The following FADS6 variants were observed in gnomAD, a reference collection of about 807,000 sequenced individuals.
FADS6 encodes the protein fatty acid desaturase domain family, member 6.
FADS6 carries 28 observed loss-of-function variants against 31.7 expected under a neutral mutation model. That is an observed-to-expected ratio of 0.88 (90% confidence interval 0.66 to 1.21). The LOEUF is 1.21. Ranked by LOEUF, FADS6 falls within the 50% of genes most tolerant of loss-of-function variation. The pLI is 0.00. For missense variants in FADS6, 494 were observed against 504.2 expected (o/e 0.98, Z 0.19); for synonymous variants, 191 against 213.1 (o/e 0.90, Z 0.90).
At chr17:74,887,318 C>T (rs2038633888) in intron 2 of FADS6, among the ~76,000 whole-genome samples, 1 of 152,174 alleles carries the variant, frequency 6.6e-6, no homozygotes. Flanking sequence ...CTCCTGGGCT[C>T]AAGCGATCCT....
intron 2 of FADS6, among the ~76,000 whole-genome samples, chr17:74,884,583 G>C (rs2038604736): frequency 6.6e-6 from 1 of 152,178 alleles, no homozygotes; most frequent in African/African-American, 2.4e-5. Context: ...TTGCAATCAT[G>C]GCAGATCACA....
At chr17:74,879,748 T>C (rs1404776793) in intron 4 of FADS6, among the ~76,000 whole-genome samples, 165 bp from the exon 5 acceptor site, 2 of 152,144 alleles carry the variant, frequency 1.3e-5, no homozygotes, top group African/African-American at 4.8e-5. Context: ...ACCCTGTCTG[T>C]TTTCTGCACT....
In FADS6 at chr17:74,877,941, T is replaced by C; in HGVS notation, c.*390A>G. The stretch of plus-strand genomic sequence containing the variant: ...TCCCAGCCGAGGGAGCTGACCCTGT[T>C]CTCTCTGTGCCCCCTGCTATCTCCC... On this transcript the variant is annotated 3_prime_UTR_variant, in exon 6 of 6. Coordinates refer to ENST00000612771, the MANE Select transcript of FADS6 (RefSeq NM_178128.6). 1.0e-6 allele frequency: 1 copy of C among 999,438 alleles called. No homozygotes were observed. Among genetic ancestry groups the C allele is most frequent in the Non-Finnish European group, 1.2e-6 (1 of 839,582 alleles). 61.9% of individuals were successfully genotyped at this position (999,438 alleles called of 1,614,324 possible).
intron 4 of FADS6, 80 bp downstream of exon 4, chr17:74,880,988 C>A (rs1217632303): frequency 7.0e-7 from 1 of 1,434,784 alleles, no homozygotes; most frequent in East Asian, 2.4e-5. Context: ...CTCTCCTCAA[C>A]CTAGAGTCCA....
Position 74,879,466 on chromosome 17 carries a change from T to C in FADS6, c.898A>G (p.Ile300Val). ...TGGTGTTCCACATGGCAGCTGATGA[T>C]CGAGTGGCCGAACGCCCAGTCCAGC... is the stretch of plus-strand genomic sequence containing the variant. ...PVLDWAFGHS[I>V]ISCHVEHHLF... The change falls in exon 5 of 6, where the codon ATC (isoleucine) becomes GTC (valine). Residue 300 changes from isoleucine to valine, a missense_variant. This residue lies in a region of FADS6 where 454 missense variants were observed against 438.5 expected (regional missense o/e 1.04). Transcript: ENST00000612771. 1.9e-6 allele frequency: 3 copies of C among 1,613,928 alleles called. No individual in the cohort carries two copies.
chr17:74,893,314 G>T (rs1322484970), intron 1 of FADS6, 38 bp downstream of exon 1: 1 of 1,491,018 alleles, frequency 6.7e-7, no homozygotes, highest in East Asian at 2.8e-5. Flanking sequence ...GCCCCCACCC[G>T]CAGCCCGGCC....
In FADS6 at chr17:74,877,851, T is replaced by G; in HGVS notation, c.*480A>C. Reference sequence around the variant, plus strand: ...TAAGGTCCCCGGGGAGAGGGCACCTTGGTGGGCAGAGCCTGAAGGAAGCAA... The same window carrying G: ...TAAGGTCCCCGGGGAGAGGGCACCTGGGTGGGCAGAGCCTGAAGGAAGCAA... On this transcript the variant is annotated 3_prime_UTR_variant, in exon 6 of 6. Transcript: ENST00000612771. 1.0e-6 allele frequency: 1 copy of G among 986,864 alleles called. No homozygotes were observed. The highest frequency in any genetic ancestry group is 1.2e-6 in the Non-Finnish European group (1 of 831,062). The allele number at this position is 986,864 out of a possible 1,614,324, so 61.1% of individuals were successfully genotyped here.
intron 2 of FADS6, among the ~76,000 whole-genome samples, chr17:74,884,945 G>C (rs1450851250): frequency 6.6e-6 from 1 of 152,104 alleles, no homozygotes; most frequent in Admixed American, 6.5e-5. Flanking sequence ...CTGAACTCAA[G>C]TTATCCACCC....
chr17:74,886,305 CA>C (rs2038622358), intron 2 of FADS6, among the ~76,000 whole-genome samples: 1 of 126,784 alleles, frequency 7.9e-6, no homozygotes, highest in Non-Finnish European at 1.7e-5. Context: ...ACTAAAAATA[CA>C]AAAATTAGCA....
At chr17:74,887,543 A>C (rs2038636597) in intron 2 of FADS6, among the ~76,000 whole-genome samples, 1 of 152,226 alleles carries the variant, frequency 6.6e-6, no homozygotes, top group Admixed American at 6.5e-5. Flanking sequence ...CAAGTGGCTT[A>C]AACTCCCAGA....
In FADS6 at chr17:74,893,339, C is replaced by G. The variant is rs935446797; in HGVS notation, c.244+13G>C. 7.9e-5 allele frequency: 120 copies of G among 1,510,364 alleles called. No homozygotes were observed. The highest frequency in any genetic ancestry group is 1.0e-4 in the Non-Finnish European group (114 of 1,135,706). The allele number at this position is 1,510,364 out of a possible 1,614,324, so 93.6% of individuals were successfully genotyped here. A position where few individuals can be genotyped will look rare whatever the true frequency, so the allele number is the denominator to read the frequency against. Reference sequence around the variant, plus strand: ...GCAGCCCGGCCGGGACGCCGGGTCCCCGCGTTCCTCACCTGCCGGCAAGGC... The same window carrying G: ...GCAGCCCGGCCGGGACGCCGGGTCCGCGCGTTCCTCACCTGCCGGCAAGGC... On this transcript the variant is annotated intron_variant, in intron 1 of 5. Coordinates refer to ENST00000612771, the MANE Select transcript of FADS6 (RefSeq NM_178128.6).
intron 5 of FADS6, 146 bp downstream of exon 5, chr17:74,879,258 A>G (rs575058699): frequency 6.7e-5 from 69 of 1,023,994 alleles, no homozygotes; most frequent in Non-Finnish European, 9.1e-5. Context: ...GCTGCTCTCA[A>G]ACTCCTGGGC....
intron 2 of FADS6, among the ~76,000 whole-genome samples, chr17:74,884,696 CTT>C (rs890574692): frequency 7.0e-6 from 1 of 143,540 alleles, no homozygotes; most frequent in Non-Finnish European, 1.5e-5. Context: ...GTGCCACACA[CTT>C]TTCAATGACC....
At chr17:74,878,887 G>A (rs946532953) in intron 5 of FADS6, among the ~76,000 whole-genome samples, 2 of 152,056 alleles carry the variant, frequency 1.3e-5, no homozygotes, top group Non-Finnish European at 2.9e-5. Context: ...TTGTCCAGTC[G>A]CCCTGCTAGT....
At chr17:74,888,154 A>AGTG (rs2038647549) in intron 2 of FADS6, among the ~76,000 whole-genome samples, 4 of 134,804 alleles carry the variant, frequency 3.0e-5, no homozygotes, top group East Asian at 5.6e-4. Flanking sequence ...ACACACACAC[A>AGTG]CGCGCGCGCG....
chr17:74,891,198 C>T (rs1157947300), intron 2 of FADS6, among the ~76,000 whole-genome samples: 4 of 150,862 alleles, frequency 2.7e-5, no homozygotes, highest in Admixed American at 6.6e-5. Context: ...CCACCATGCC[C>T]GGCTAATTTT....
chr17:74,878,984 T>C (rs1007637596), intron 5 of FADS6: 6 of 206,212 alleles, frequency 2.9e-5, no homozygotes, highest in South Asian at 2.5e-4. Context: ...ACCAGGCCAG[T>C]TGGGGGACTT....
chr17:74,876,280 G>C (rs2038507390), downstream of FADS6, among the ~76,000 whole-genome samples: 1 of 152,180 alleles, frequency 6.6e-6, no homozygotes, highest in Non-Finnish European at 1.5e-5. Flanking sequence ...AGCAGGGTCA[G>C]GAGGCCTTTC....
rs1296294331 is a variant in FADS6 at position 74,878,348 on chromosome 17, C to G, written c.1090G>C (p.Glu364Gln). Residue 364 changes from glutamate to glutamine, a missense_variant, in exon 6 of 6, where the codon GAG becomes CAG. Physicochemically the swap from Glu to Gln is conservative, Grantham distance 29. Transcript: ENST00000612771. ...EFMVQAPPIT[E>Q]LVGL ...CGGCCTCATTACAGCCCCACAAGCTCAGTGATGGGTGGGGCCTGCACCATG... is the reference window on the plus strand; with the variant it reads ...CGGCCTCATTACAGCCCCACAAGCTGAGTGATGGGTGGGGCCTGCACCATG... The G allele has an allele frequency of 6.2e-7, 1 of 1,613,668 alleles. No individual in the cohort carries two copies. Among genetic ancestry groups the G allele is most frequent in the Non-Finnish European group, 8.5e-7 (1 of 1,179,768 alleles).
Sources: allele counts gnomAD v4.1 joint callset (sites outside exome capture counted in the v4.1 genomes callset), GRCh38; gene constraint gnomAD v4.1.1; regional missense constraint gnomAD v4.1.1; transcripts MANE v1.5; gene names NCBI Gene and HGNC (gene_info 2026-07-23, HGNC 2026-07-21).